The following ZNF717 variants were observed in gnomAD, a reference collection of about 807,000 sequenced individuals.
The protein encoded by ZNF717 is krueppel-like factor X17.
Under a neutral mutation model 13.8 loss-of-function variants are expected in ZNF717, and 9 were observed. The observed-to-expected ratio is 0.65, with a 90% CI of 0.39 to 1.14. The LOEUF (loss-of-function observed/expected upper bound fraction) is 1.14. Ranked by LOEUF, ZNF717 falls within the 50% of genes most tolerant of loss-of-function variation. ZNF717 has a pLI of 0.01. For missense variants in ZNF717, 1,040 were observed against 1,080.7 expected (o/e 0.96, Z 0.53); for synonymous variants, 327 against 364.1 (o/e 0.90, Z 1.16).
chr3:75,708,700 A>G (rs1937862164), downstream of ZNF717, among the ~76,000 whole-genome samples: 1 of 152,210 alleles, frequency 6.6e-6, no homozygotes, highest in Admixed American at 6.5e-5. Flanking sequence ...ACCAATGGCA[A>G]AGAAGTTAAA....
chr3:75,714,113 T>A (rs1382542248), intron 5 of ZNF717, among the ~76,000 whole-genome samples: 1 of 152,104 alleles, frequency 6.6e-6, no homozygotes, highest in Non-Finnish European at 1.5e-5. Flanking sequence ...GCATGACCAC[T>A]GAAGCACAGT....
At chr3:75,777,843 C>G (rs1482304963) in intron 2 of ZNF717, among the ~76,000 whole-genome samples, 3 of 147,616 alleles carry the variant, frequency 2.0e-5, no homozygotes, top group African/African-American at 7.6e-5. Flanking sequence ...AAACCCAAAA[C>G]AATGGGAGTG....
At chr3:75,750,957 C>T (rs796835417) in intron 2 of ZNF717, among the ~76,000 whole-genome samples, 2 of 151,652 alleles carry the variant, frequency 1.3e-5, no homozygotes, top group African/African-American at 4.9e-5. Context: ...TTCCAGAACA[C>T]TCCTACTGTG....
chr3:75,751,107 T>C (rs1322570442), intron 2 of ZNF717, among the ~76,000 whole-genome samples: 2 of 151,228 alleles, frequency 1.3e-5, no homozygotes, highest in East Asian at 2.0e-4. Context: ...AAAACTGCTA[T>C]GAGGGTCCGA....
At position 75,736,724 on chromosome 3, in the gene ZNF717, C is replaced by G. The variant is rs1272074462; in HGVS notation, c.*154G>C. On this transcript the variant is annotated 3_prime_UTR_variant, in exon 5 of 5. Coordinates refer to ENST00000652011, the MANE Select transcript of ZNF717 (RefSeq NM_001290208.3). ...GCAAAGTGTGCTGTAAAAATGGGAA[C>G]AACAAAGCCTGCATGATAGGACTTC... The G allele has an allele frequency of 3.9e-6, 3 of 762,312 alleles. No homozygotes were observed. Among genetic ancestry groups the G allele is most frequent in the African/African-American group, 3.5e-5 (2 of 56,690 alleles). 47.2% of individuals were successfully genotyped at this position (762,312 alleles called of 1,614,324 possible).
At chr3:75,767,686 ACTGCACCATCTCAGGGATCTGC>A (rs1943591389) in intron 2 of ZNF717, among the ~76,000 whole-genome samples, 2 of 152,178 alleles carry the variant, frequency 1.3e-5, no homozygotes, top group African/African-American at 4.8e-5. Flanking sequence ...CTGAAAGGGC[ACTGCACCATCTCAGGGATCTGC>A]CTAAGGAGAC....
intron 2 of ZNF717, among the ~76,000 whole-genome samples, chr3:75,774,200 A>AAGAAAGAAAG (rs1944124320): frequency 6.9e-6 from 1 of 144,438 alleles, no homozygotes; most frequent in Admixed American, 6.9e-5. Context: ...AAAAAAAAAA[A>AAGAAAGAAAG]AAAGGAAAAA....
exon 6 of ZNF717, chr3:75,709,700 C>G (rs1575715352): frequency 6.6e-6 from 1 of 152,156 alleles, no homozygotes; most frequent in African/African-American, 2.4e-5. Context: ...TCTTTTTCAT[C>G]ATCAGGCATA....
Position 75,739,065 on chromosome 3 carries a change from G to A in ZNF717, c.558C>T (p.Thr186=), listed in dbSNP as rs1939972481. The stretch of plus-strand genomic sequence containing the variant: ...GTTCATGATGTCTGTGGGATCTCCT[G>A]GTTATATCACAGACATGAGGTTTCT... ...SGEKPHVCDI[T]RRSHRHHEHL... is the part of the protein sequence containing the mutation. Residue 186 remains threonine, a synonymous_variant, in exon 5 of 5, where the codon ACC becomes ACT. Transcript: ENST00000652011. 6.4e-7 allele frequency: 1 copy of A among 1,551,566 alleles called. No individual in the cohort carries two copies. Among genetic ancestry groups the A allele is most frequent in the Non-Finnish European group, 8.7e-7 (1 of 1,146,940 alleles).
At chr3:75,781,948 C>T (rs1944855732) in intron 2 of ZNF717, among the ~76,000 whole-genome samples, 1 of 152,112 alleles carries the variant, frequency 6.6e-6, no homozygotes, top group Admixed American at 6.5e-5. Context: ...AAGGTTGCTG[C>T]AGCTAGAATC....
At chr3:75,742,499 T>C (rs79006753) in intron 2 of ZNF717, among the ~76,000 whole-genome samples, 9 of 151,898 alleles carry the variant, frequency 5.9e-5, no homozygotes, top group Admixed American at 5.3e-4. Flanking sequence ...TTTTGCACCA[T>C]GAGGTTCCAC....
chr3:75,768,485 C>T (rs189250120), intron 2 of ZNF717, among the ~76,000 whole-genome samples: 5 of 99,268 alleles, frequency 5.0e-5, no homozygotes, highest in Admixed American at 1.2e-4. Flanking sequence ...TGAGTGTGTG[C>T]GGGGGCAGAT....
rs1186125894 is a variant in ZNF717, at chr3:75,739,188, A to C, written c.435T>G (p.Ile145Met). The change falls in exon 5 of 5, where the codon ATT (isoleucine) becomes ATG (methionine). Residue 145 changes from isoleucine (I) to methionine (M), a missense_variant. This residue lies in a region of ZNF717 where 123 missense variants were observed against 177.8 expected (regional missense o/e 0.69). Coordinates refer to ENST00000652011, the MANE Select transcript of ZNF717 (RefSeq NM_001290208.3). ...NLNSNHVLNL[I>M]INNGNSSGMK... Reference sequence around the variant, plus strand: ...TTCCTGAACTGTTTCCATTATTTATAATCAGATTTAAAACATGGTTTGAGT... The same window carrying C: ...TTCCTGAACTGTTTCCATTATTTATCATCAGATTTAAAACATGGTTTGAGT... 30 of 1,551,050 alleles carry C rather than the reference A, an allele frequency of 1.9e-5. No individual in the cohort carries two copies. Among genetic ancestry groups the C allele is most frequent in the Non-Finnish European group, 2.5e-5 (29 of 1,146,734 alleles).
downstream of ZNF717, among the ~76,000 whole-genome samples, chr3:75,728,488 C>T (rs1279656147): frequency 3.9e-5 from 6 of 152,218 alleles, no homozygotes; most frequent in South Asian, 4.1e-4. Context: ...GGCTCTGTGT[C>T]CCCACCCAAA....
intron 2 of ZNF717, among the ~76,000 whole-genome samples, chr3:75,775,806 C>A (rs181888468): frequency 1.8e-3 from 269 of 149,152 alleles, no homozygotes; most frequent in African/African-American, 6.1e-3. Flanking sequence ...GAGCCAAGAT[C>A]GTGCCACTGC....
At chr3:75,735,747 A>G (rs1169745149), downstream of ZNF717, 2 of 151,990 alleles carry the variant, frequency 1.3e-5, no homozygotes, top group Non-Finnish European at 2.9e-5. Context: ...AAAGAATAAT[A>G]GGAGTTAATG....
intron 6 of ZNF717, among the ~76,000 whole-genome samples, chr3:75,701,805 A>C: frequency 6.6e-6 from 1 of 152,296 alleles, no homozygotes; most frequent in African/African-American, 2.4e-5. Flanking sequence ...TAATAATCTA[A>C]TTAAAGAGTG....
intron 2 of ZNF717, among the ~76,000 whole-genome samples, chr3:75,773,119 G>C (rs1286522364): frequency 6.6e-6 from 1 of 152,092 alleles, no homozygotes; most frequent in African/African-American, 2.4e-5. Flanking sequence ...TGGAACGGTT[G>C]TAAAATTTGG....
chr3:75,755,267 T>A (rs1312370935), intron 2 of ZNF717, among the ~76,000 whole-genome samples: 1 of 152,218 alleles, frequency 6.6e-6, no homozygotes, highest in Non-Finnish European at 1.5e-5. Flanking sequence ...AAAAGAGCAT[T>A]AAAGAAAGAA....
Sources: gnomAD v4.1 joint callset for allele counts (sites outside exome capture counted in the v4.1 genomes callset) on GRCh38, gnomAD v4.1.1 for gene constraint, gnomAD v4.1.1 regional missense constraint, MANE v1.5 for transcripts, NCBI Gene and HGNC (gene_info 2026-07-23, HGNC 2026-07-21) for gene names.